The following NDUFA10 variants were observed in gnomAD, a reference collection of about 807,000 sequenced individuals.
NDUFA10 encodes the protein NADH:ubiquinone oxidoreductase subunit A10, also known as NADH dehydrogenase [ubiquinone] 1 alpha subcomplex subunit 10, mitochondrial.
A neutral mutation model predicts 47.8 loss-of-function variants in NDUFA10; 40 were observed. The ratio of observed to expected loss-of-function variants is 0.84; its 90% CI spans 0.65 to 1.09. The LOEUF (loss-of-function observed/expected upper bound fraction) is 1.09. Ranked by LOEUF, NDUFA10 falls within the 50% of genes least tolerant of loss-of-function variation. NDUFA10 has a pLI of 0.00. For synonymous variants in NDUFA10, 183 were observed against 172.2 expected (o/e 1.06, Z -0.49); for missense variants, 413 against 451.1 (o/e 0.92, Z 0.76).
intron 9 of NDUFA10, among the ~76,000 whole-genome samples, chr2:239,963,957 G>A (rs1001551304): frequency 6.6e-6 from 1 of 152,204 alleles, no homozygotes; most frequent in Admixed American, 6.5e-5. Context: ...AAGACAGGAG[G>A]AGCGGGGTGG....
At position 240,016,024 on chromosome 2, in the gene NDUFA10, C is replaced by T. The variant is rs1381772718; in HGVS notation, c.548-1164G>A. On this transcript the variant is annotated intron_variant, in intron 4 of 9. Transcript: ENST00000252711. This position sits in a 1 kb window ranked among gnomAD's most constrained non-coding sequence, Gnocchi z 4.4. ...ATACAAACATTAGCCAGTCTCCTAACCTAGTCTCAAAATAAATAAATAAAA... is the reference window on the plus strand; with the variant it reads ...ATACAAACATTAGCCAGTCTCCTAATCTAGTCTCAAAATAAATAAATAAAA... Among the ~76,000 whole-genome samples the T allele has an allele frequency of 6.6e-6, 1 of 151,874 alleles. No individual in the cohort carries two copies. The highest frequency in any genetic ancestry group is 1.5e-5 in the Non-Finnish European group (1 of 67,972).
chr2:240,025,164 T>TGGCCCCCCCCCCCCCCCCC, intron 1 of NDUFA10, 63 bp downstream of exon 1: 1 of 594,916 alleles, frequency 1.7e-6, no homozygotes, highest in Non-Finnish European at 2.7e-6. Context: ...GTGGAACTGC[T>TGGCCCCCCCCCCCCCCCCC]CCCCACCCCG....
intron 8 of NDUFA10, among the ~76,000 whole-genome samples, chr2:239,990,610 C>T (rs543747596): frequency 1.3e-5 from 2 of 152,214 alleles, no homozygotes; most frequent in South Asian, 2.1e-4. Context: ...GGGGCAGGAA[C>T]GGTGAGTAGC....
chr2:239,920,865 G>A (rs937954074), intron 4 of NDUFA10, among the ~76,000 whole-genome samples: 5 of 152,182 alleles, frequency 3.3e-5, no homozygotes, highest in African/African-American at 1.2e-4. Flanking sequence ...CGTCTGAGGT[G>A]CCTGGTCATT....
At chr2:239,901,060 G>C (rs1050060782) in intron 4 of NDUFA10, among the ~76,000 whole-genome samples, 2 of 152,232 alleles carry the variant, frequency 1.3e-5, no homozygotes, top group Non-Finnish European at 2.9e-5. Flanking sequence ...CATAGCTAGA[G>C]AGAAGTCAAT....
intron 7 of NDUFA10, among the ~76,000 whole-genome samples, chr2:240,006,481 C>A (rs1156746938): frequency 6.6e-6 from 1 of 152,192 alleles, no homozygotes; most frequent in Admixed American, 6.5e-5. Flanking sequence ...ACCCCAGCAG[C>A]CAACTATGCA....
At chr2:239,949,713 C>A (rs1022074694) in intron 4 of NDUFA10, among the ~76,000 whole-genome samples, 1 of 152,148 alleles carries the variant, frequency 6.6e-6, no homozygotes, top group African/African-American at 2.4e-5. Context: ...CCAACTCAGC[C>A]TCAAGCGATC....
At chr2:239,979,827 C>G (rs913377893) in intron 9 of NDUFA10, among the ~76,000 whole-genome samples, 1 of 152,128 alleles carries the variant, frequency 6.6e-6, no homozygotes, top group Non-Finnish European at 1.5e-5. Flanking sequence ...GTGGCAGCTG[C>G]GGACCCCGGC....
intron 4 of NDUFA10, among the ~76,000 whole-genome samples, chr2:239,912,533 T>C (rs916648509): frequency 1.3e-5 from 2 of 152,176 alleles, no homozygotes; most frequent in African/African-American, 4.8e-5. Context: ...CAGAATGCCC[T>C]TGATGCAATT....
chr2:239,962,335 C>T (rs1694888731), intron 9 of NDUFA10, among the ~76,000 whole-genome samples: 1 of 152,214 alleles, frequency 6.6e-6, no homozygotes, highest in Non-Finnish European at 1.5e-5. Flanking sequence ...CATTCACAGC[C>T]ATCCACACAG....
At chr2:239,899,081 A>AGTCATGGAGGG (rs1693473521) in intron 4 of NDUFA10, among the ~76,000 whole-genome samples, 1 of 6,054 alleles carries the variant, frequency 1.7e-4, no homozygotes, top group Non-Finnish European at 3.1e-4. Flanking sequence ...GTGATGGAGG[A>AGTCATGGAGGG]GTGTGGAGGG....
chr2:240,021,499 C>T, intron 2 of NDUFA10, 87 bp from the exon 3 acceptor site: 9 of 1,208,282 alleles, frequency 7.4e-6, no homozygotes, highest in Non-Finnish European at 8.4e-6. Flanking sequence ...ACACACAGCC[C>T]GCCCGAATCT....
intron 9 of NDUFA10, chr2:239,973,543 T>C (rs2106413064): frequency 2.1e-6 from 1 of 470,832 alleles, no homozygotes; most frequent in South Asian, 1.6e-5. Flanking sequence ...CTAGCAACTA[T>C]CTTGGACACG....
At chr2:240,015,307 G>A (rs1697304283) in intron 4 of NDUFA10, among the ~76,000 whole-genome samples, 1 of 152,200 alleles carries the variant, frequency 6.6e-6, no homozygotes, top group African/African-American at 2.4e-5. Flanking sequence ...ACAGTTCAGT[G>A]ATCTTTGAAC....
chr2:239,980,530 C>A (rs1253783300), intron 9 of NDUFA10, among the ~76,000 whole-genome samples: 1 of 152,192 alleles, frequency 6.6e-6, no homozygotes, highest in Non-Finnish European at 1.5e-5. Flanking sequence ...AAAATGTAGA[C>A]TTTCTAATTC....
downstream of NDUFA10, among the ~76,000 whole-genome samples, chr2:239,956,203 C>T (rs1402469213): frequency 1.3e-5 from 2 of 152,292 alleles, no homozygotes; most frequent in Non-Finnish European, 2.9e-5. Flanking sequence ...GGGGCTCCAG[C>T]GCCTACACTT....
intron 4 of NDUFA10, among the ~76,000 whole-genome samples, chr2:239,950,030 G>A (rs1419939712): frequency 2.6e-5 from 4 of 152,070 alleles, no homozygotes; most frequent in South Asian, 2.1e-4. Context: ...ATTTTCTTAC[G>A]TACATAATGG....
At chr2:239,982,339 A>G in intron 9 of NDUFA10, 1 of 1,374,040 alleles carries the variant, frequency 7.3e-7, no homozygotes, top group Non-Finnish European at 9.8e-7. Flanking sequence ...CTTTTCTAAA[A>G]AGATTCTTGT....
chr2:239,966,133 G>C (rs6437355), intron 9 of NDUFA10, among the ~76,000 whole-genome samples: 70,073 of 152,120 alleles, frequency 0.46, 16,489 homozygotes, highest in African/African-American at 0.54. Flanking sequence ...GTGGCCCACC[G>C]GGAGTGTTCC....
Sources: allele counts gnomAD v4.1 joint callset (sites outside exome capture counted in the v4.1 genomes callset), GRCh38; gene constraint gnomAD v4.1.1; non-coding constraint Gnocchi (gnomAD v3.1); transcripts MANE v1.5; gene names NCBI Gene and HGNC (gene_info 2026-07-23, HGNC 2026-07-21).